The following PAK6 variants were observed in gnomAD, a reference collection of about 807,000 sequenced individuals.
The protein encoded by PAK6 is p21 (RAC1) activated kinase 6, also known as serine/threonine-protein kinase PAK 6.
Under a neutral mutation model 60.8 loss-of-function variants are expected in PAK6, and 33 were observed. That is an observed-to-expected ratio of 0.54 (90% CI 0.41 to 0.73). The LOEUF is 0.73. Among genes scored for constraint, PAK6 ranks in the 30% least tolerant of loss-of-function variants. The pLI, the probability that PAK6 is intolerant of heterozygous loss-of-function variation, is 0.00. For synonymous variants in PAK6, 404 were observed against 378.5 expected (o/e 1.07, Z -0.78); for missense variants, 845 against 904.1 (o/e 0.93, Z 0.84).
At chr15:40,275,280 G>GTT (rs869058525) in intron 10 of PAK6, among the ~76,000 whole-genome samples, 27 of 56,482 alleles carry the variant, frequency 4.8e-4, no homozygotes, top group South Asian at 3.4e-3. Context: ...GTTGTTGTTG[G>GTT]TTTTTTTTTT....
intron 2 of PAK6, among the ~76,000 whole-genome samples, chr15:40,248,832 A>C (rs1157426052): frequency 6.6e-6 from 1 of 152,130 alleles, no homozygotes; most frequent in Non-Finnish European, 1.5e-5. Flanking sequence ...GTCTCTCCCC[A>C]CTGCCCGTTC....
At chr15:40,252,311 C>T (rs775863490) in intron 2 of PAK6, 2 of 1,240,866 alleles carry the variant, frequency 1.6e-6, no homozygotes, top group East Asian at 1.1e-4. Flanking sequence ...GTCGGGTCTC[C>T]GCGAGGCGGC....
chr15:40,275,297 T>TTTTTTC (rs2039425994), intron 10 of PAK6, among the ~76,000 whole-genome samples: 1 of 126,536 alleles, frequency 7.9e-6, no homozygotes, highest in African/African-American at 3.1e-5. Flanking sequence ...TTTTTTTTTT[T>TTTTTTC]TTTTTGGAGA....
chr15:40,250,077 G>A (rs2038620835), intron 2 of PAK6, among the ~76,000 whole-genome samples: 1 of 152,252 alleles, frequency 6.6e-6, no homozygotes, highest in African/African-American at 2.4e-5. Flanking sequence ...AAGGCCAGAG[G>A]GTGGCACATG....
At chr15:40,256,157 C>T (rs530848174) in intron 3 of PAK6, among the ~76,000 whole-genome samples, 14 of 152,236 alleles carry the variant, frequency 9.2e-5, no homozygotes, top group Admixed American at 4.6e-4. Context: ...GCCAGACGTT[C>T]GAGGCTGCAG....
chr15:40,254,231 G>A (rs2038774979), intron 3 of PAK6, among the ~76,000 whole-genome samples: 1 of 152,176 alleles, frequency 6.6e-6, no homozygotes, highest in Non-Finnish European at 1.5e-5. Flanking sequence ...CTCATTAGGC[G>A]GTTGTGGGGA....
At chr15:40,252,381 GC>G in intron 2 of PAK6, 1 of 1,323,660 alleles carries the variant, frequency 7.6e-7, no homozygotes, top group Non-Finnish European at 9.9e-7. Flanking sequence ...GGGCCCGGAG[GC>G]GAAGGGCGGG....
chr15:40,264,396 T>G (rs986142258), intron 3 of PAK6: 1 of 464,010 alleles, frequency 2.2e-6, no homozygotes, highest in Non-Finnish European at 4.3e-6. Flanking sequence ...TAAAACAAGC[T>G]TGCTAACTTT....
intron 3 of PAK6, chr15:40,256,825 A>G (rs1183085002): frequency 6.6e-6 from 1 of 152,230 alleles, no homozygotes; most frequent in African/African-American, 2.4e-5. Context: ...AGAGCCTGCT[A>G]CTTCCGTCTT....
intron 3 of PAK6, among the ~76,000 whole-genome samples, chr15:40,256,244 T>G (rs1422719331): frequency 6.6e-6 from 1 of 152,132 alleles, no homozygotes; most frequent in East Asian, 1.9e-4. Flanking sequence ...ATTTTTTTTT[T>G]GAAACAAACT....
intron 2 of PAK6, among the ~76,000 whole-genome samples, chr15:40,250,373 G>A (rs891020952): frequency 1.3e-4 from 20 of 152,202 alleles, no homozygotes; most frequent in African/African-American, 4.6e-4. Context: ...GAAAACTGGC[G>A]TTGTGATGGA....
chr15:40,274,414 C>G (rs2039393140), intron 10 of PAK6, 138 bp downstream of exon 10: 8 of 925,124 alleles, frequency 8.6e-6, no homozygotes, highest in Non-Finnish European at 1.3e-5. Flanking sequence ...TCTTTCCCCA[C>G]ACAAAACCCG....
intron 2 of PAK6, among the ~76,000 whole-genome samples, chr15:40,248,813 T>C (rs998440314): frequency 1.3e-5 from 2 of 152,126 alleles, no homozygotes; most frequent in African/African-American, 4.8e-5. Flanking sequence ...TATATTAAGG[T>C]CTGAGTTGGT....
chr15:40,243,709 G>A (rs2038420270), intron 2 of PAK6, among the ~76,000 whole-genome samples: 1 of 152,182 alleles, frequency 6.6e-6, no homozygotes, highest in Non-Finnish European at 1.5e-5. Flanking sequence ...AATAATGCCA[G>A]GTCTATTTTT....
chr15:40,269,654 C>T (rs566219097), intron 5 of PAK6, among the ~76,000 whole-genome samples: 63 of 152,264 alleles, frequency 4.1e-4, no homozygotes, highest in African/African-American at 1.3e-3. Flanking sequence ...GTGAAGCCAA[C>T]GAAAGGATGC....
intron 10 of PAK6, among the ~76,000 whole-genome samples, chr15:40,275,368 C>T (rs2039428852): frequency 7.3e-6 from 1 of 137,474 alleles, no homozygotes; most frequent in Non-Finnish European, 1.5e-5. Flanking sequence ...TCACTGCAAC[C>T]TCCGCCTCCT....
At chr15:40,271,965 C>G (rs928073900) in intron 5 of PAK6, among the ~76,000 whole-genome samples, 3 of 152,214 alleles carry the variant, frequency 2.0e-5, no homozygotes, top group Non-Finnish European at 4.4e-5. Context: ...CTCTGTCTTC[C>G]CAGGTGCAGC....
chr15:40,272,724 G>A lies in PAK6; in HGVS notation c.1356+3G>A. 6.3e-7 allele frequency: 1 copy of A among 1,583,846 alleles called. No individual in the cohort carries two copies. The highest frequency in any genetic ancestry group is 8.6e-7 in the Non-Finnish European group (1 of 1,166,242). ...GCAGGGAGCTGCTCTTCAACGAGGT[G>A]GGAGGACAGGGTGGGACACAGACGG... On this transcript the variant is annotated splice_donor_region_variant and intron_variant, in intron 6 of 10. Coordinates refer to ENST00000560346, the Ensembl canonical transcript of PAK6.
rs182356274 is a variant in PAK6, at chr15:40,241,551, G to A, written c.-118+870G>A. Among the ~76,000 whole-genome samples the A allele has an allele frequency of 1.7e-4, 26 of 152,280 alleles. No homozygotes were observed. The East Asian group carries it at 4.6e-3, about 27-fold the overall frequency. On this transcript the variant is annotated intron_variant, in intron 2 of 10. Coordinates refer to ENST00000560346, the Ensembl canonical transcript of PAK6. ...CGGTTGTCCTGGCCCAGGCTTGGAG[G>A]TGGCACCTGGGAGCCCTAGTGACAG... is the stretch of plus-strand genomic sequence containing the variant.
Sources: allele counts gnomAD v4.1 joint callset (sites outside exome capture counted in the v4.1 genomes callset), GRCh38; gene constraint gnomAD v4.1.1; transcripts MANE v1.5; gene names NCBI Gene and HGNC (gene_info 2026-07-23, HGNC 2026-07-21).